Variants in EIF2AK1 observed in about 807,000 individuals in gnomAD.
EIF2AK1 encodes eukaryotic translation initiation factor 2-alpha kinase 1.
In EIF2AK1, 54 loss-of-function variants were observed where a neutral mutation model predicts 77.9. The observed-to-expected ratio is 0.69, with a 90% CI of 0.56 to 0.87. EIF2AK1 has a LOEUF of 0.87. EIF2AK1 is among the 40% of genes least tolerant of loss of function. The pLI is 0.00. For missense variants in EIF2AK1, 810 were observed against 768.6 expected, an observed-to-expected ratio of 1.05 and a Z score of -0.64; for synonymous variants, 314 against 290.5, an observed-to-expected ratio of 1.08 and a Z score of -0.82.
chr7:6,041,345 C>T lies in EIF2AK1; in HGVS notation c.792-126G>A, dbSNP rs987628679. On this transcript the variant is annotated intron_variant, in intron 8 of 14. Coordinates refer to ENST00000199389, the MANE Select transcript of EIF2AK1 (RefSeq NM_014413.4). ...CTTAAGGTCAGGAGTTGGAGACCAGCTTACCCAACATGGTAAAACCCCATC... is the reference window on the plus strand; with the variant it reads ...CTTAAGGTCAGGAGTTGGAGACCAGTTTACCCAACATGGTAAAACCCCATC... 4.2e-6 allele frequency: 4 copies of T among 951,292 alleles called. No individual in the cohort carries two copies. The Admixed American group carries it at 1.1e-4, about 26-fold the overall frequency. 58.9% of individuals were successfully genotyped at this position (951,292 alleles called of 1,614,324 possible).
Position 6,026,980 on chromosome 7 carries a change from G to C in EIF2AK1, c.1531-19C>G, listed in dbSNP as rs760949863. 1.9e-6 allele frequency: 3 copies of C among 1,590,970 alleles called. No homozygotes were observed. Among genetic ancestry groups the C allele is most frequent in the East Asian group, 2.2e-5 (1 of 44,758 alleles). Reference sequence around the variant, plus strand: ...TATCTGACTGGAAAAAGAAAAAAAGGGGAACTCAGTAGTGAAATACAAAGT... The same window carrying C: ...TATCTGACTGGAAAAAGAAAAAAAGCGGAACTCAGTAGTGAAATACAAAGT... On this transcript the variant is annotated intron_variant, in intron 13 of 14. Transcript: ENST00000199389.
intron 1 of EIF2AK1, chr7:6,057,598 T>TA (rs143149612): frequency 0.096 from 12,806 of 133,558 alleles, 594 homozygotes; most frequent in Admixed American, 0.11. Context: ...AAGCATTCCA[T>TA]AAAAAAAAAA....
intron 4 of EIF2AK1, 54 bp from the exon 5 acceptor site, chr7:6,047,145 C>A: frequency 6.7e-7 from 1 of 1,501,812 alleles, no homozygotes; most frequent in Non-Finnish European, 9.3e-7. Context: ...TCAAAATGTT[C>A]TAGGATACCT....
chr7:6,049,935 A>G lies in EIF2AK1; in HGVS notation c.388T>C (p.Ser130Pro). The G allele has an allele frequency of 6.2e-7, 1 of 1,611,846 alleles. No individual in the cohort carries two copies. Among genetic ancestry groups the G allele is most frequent in the Admixed American group, 1.7e-5 (1 of 59,638 alleles). ...HNRAITHLMR[S>P]AKERVRQDPC... ...ACCTGACGAACTCTCTCTTTAGCAG[A>G]CCTCATTAAGTGAGTAATAGCTCTG... is the stretch of plus-strand genomic sequence containing the variant. Residue 130 changes from serine to proline, a missense_variant, in exon 3 of 15, where the codon TCT becomes CCT. This residue lies in a region of EIF2AK1 where 246 missense variants were observed against 199.0 expected (regional missense o/e 1.24). Transcript: ENST00000199389.
intron 14 of EIF2AK1, among the ~76,000 whole-genome samples, chr7:6,025,034 T>C (rs1200360584): frequency 2.6e-5 from 4 of 151,986 alleles, no homozygotes; most frequent in African/African-American, 9.7e-5. Flanking sequence ...AGATGAGGTT[T>C]CGCCATGTTG....
chr7:6,056,139 A>G (rs1788752457), intron 1 of EIF2AK1, among the ~76,000 whole-genome samples: 1 of 150,892 alleles, frequency 6.6e-6, no homozygotes, highest in African/African-American at 2.4e-5. Context: ...CTAAAAATAC[A>G]AAAATTAGGT....
chr7:6,050,055 GA>G lies in EIF2AK1; in HGVS notation c.278-11del. Reference sequence around the variant, plus strand: ...AACGTCTGGCAAAGTACTATAAAAAGAATATGAAAAACTATTATTAGAAACA... The same window carrying G: ...AACGTCTGGCAAAGTACTATAAAAAGATATGAAAAACTATTATTAGAAACA... On this transcript the variant is annotated splice_polypyrimidine_tract_variant and intron_variant, in intron 2 of 14. Coordinates refer to ENST00000199389, the MANE Select transcript of EIF2AK1 (RefSeq NM_014413.4). The G allele has an allele frequency of 6.3e-7, 1 of 1,589,218 alleles. No individual in the cohort carries two copies. Among genetic ancestry groups the G allele is most frequent in the Non-Finnish European group, 8.5e-7 (1 of 1,171,816 alleles).
rs368299171 is a variant in EIF2AK1, at chr7:6,050,060, T to A, written c.278-15A>T. On this transcript the variant is annotated splice_polypyrimidine_tract_variant and intron_variant, in intron 2 of 14. Coordinates refer to ENST00000199389, the MANE Select transcript of EIF2AK1 (RefSeq NM_014413.4). ...CTGGCAAAGTACTATAAAAAGAATATGAAAAACTATTATTAGAAACATCTT... is the reference window on the plus strand; with the variant it reads ...CTGGCAAAGTACTATAAAAAGAATAAGAAAAACTATTATTAGAAACATCTT... 301 of 1,586,672 alleles carry A rather than the reference T, an allele frequency of 1.9e-4. No individual in the cohort carries two copies. The highest frequency in any genetic ancestry group is 2.5e-4 in the Non-Finnish European group (290 of 1,169,946).
chr7:6,047,553 A>C (rs1375948960), intron 4 of EIF2AK1, among the ~76,000 whole-genome samples: 1 of 151,876 alleles, frequency 6.6e-6, no homozygotes, highest in South Asian at 2.1e-4. Flanking sequence ...GGTGCCTGTA[A>C]TCCCAGCTAC....
Position 6,032,860 on chromosome 7 carries a change from A to C in EIF2AK1, c.1333-3828T>G. On this transcript the variant is annotated intron_variant, in intron 11 of 14. Transcript: ENST00000199389. The surrounding 1 kb of genome is among the most constrained non-coding windows in gnomAD (Gnocchi z 4.3). The stretch of plus-strand genomic sequence containing the variant: ...AAAGCCGACAGAGTCTATCATCCCC[A>C]TCCATCTGGCTGCCAAGTACCACAA... 6.4e-7 allele frequency: 1 copy of C among 1,550,920 alleles called. No individual in the cohort carries two copies. The highest frequency in any genetic ancestry group is 1.2e-5 in the South Asian group (1 of 84,054).
chr7:6,051,027 C>T (rs1788595026), intron 2 of EIF2AK1, among the ~76,000 whole-genome samples: 1 of 152,266 alleles, frequency 6.6e-6, no homozygotes, highest in Non-Finnish European at 1.5e-5. Context: ...ACATTCCACA[C>T]ATTACCCTTT....
chr7:6,056,613 A>AAAAAAAT lies in EIF2AK1; in HGVS notation c.119-1910_119-1909insATTTTTT. ...CATCTCAAGGGAAAAAAAAAAAAAA[A>AAAAAAAT]ATATATATATATATATATATATAAA... On this transcript the variant is annotated intron_variant, in intron 1 of 14. Coordinates refer to ENST00000199389, the MANE Select transcript of EIF2AK1 (RefSeq NM_014413.4). 1.3e-3 allele frequency among the ~76,000 whole-genome samples: 56 copies of AAAAAAAT among 43,724 alleles called. 2 individuals carry two copies. The highest frequency in any genetic ancestry group is 0.011 in the East Asian group (18 of 1,582). 28.7% of individuals were successfully genotyped at this position (43,724 alleles called of 152,430 possible). A position where few individuals can be genotyped will look rare whatever the true frequency, so the allele number is the denominator to read the frequency against.
intron 7 of EIF2AK1, among the ~76,000 whole-genome samples, chr7:6,043,644 G>C (rs1788361136): frequency 6.6e-6 from 1 of 151,216 alleles, no homozygotes; most frequent in Non-Finnish European, 1.5e-5. Flanking sequence ...GGCCAGGCTG[G>C]TCTCGAACTC....
Position 6,027,805 on chromosome 7 carries a change from C to G in EIF2AK1, c.1530+810G>C. The G allele has an allele frequency of 6.2e-6, 2 of 321,860 alleles. No homozygotes were observed. The highest frequency in any genetic ancestry group is 4.6e-5 in the South Asian group (2 of 43,844). 19.9% of individuals were successfully genotyped at this position (321,860 alleles called of 1,614,324 possible). The stretch of plus-strand genomic sequence containing the variant: ...TTTAGGCCAGGCGCAGAGGTTCATG[C>G]CTTAATCCCAGCACTTTGGGAGGCC... On this transcript the variant is annotated intron_variant, in intron 13 of 14. Transcript: ENST00000199389. This position sits in a 1 kb window ranked among gnomAD's most constrained non-coding sequence, Gnocchi z 4.5.
chr7:6,032,897 T>G lies in EIF2AK1; in HGVS notation c.1333-3865A>C. 1.3e-6 allele frequency: 2 copies of G among 1,551,050 alleles called. No homozygotes were observed. Among genetic ancestry groups the G allele is most frequent in the Non-Finnish European group, 8.7e-7 (1 of 1,147,028 alleles). On this transcript the variant is annotated intron_variant, in intron 11 of 14. Transcript: ENST00000199389. This position sits in a 1 kb window ranked among gnomAD's most constrained non-coding sequence, Gnocchi z 4.3. ...GCCAAGTACCACAAGGCCCAGAGTC[T>G]GCTCTGCCTGTTACGGCACGGTGCT...
rs1372160667 is a variant in EIF2AK1, at chr7:6,035,484, C to T, written c.1332+1940G>A. 1 of 1,550,930 alleles carries T rather than the reference C, an allele frequency of 6.4e-7. No homozygotes were observed. Among genetic ancestry groups the T allele is most frequent in the East Asian group, 2.4e-5 (1 of 40,918 alleles). ...CACCACACTCAACTTAATGCTACTG[C>T]ACTGGCCAGTCACTTCCACCACGTG... On this transcript the variant is annotated intron_variant, in intron 11 of 14. Transcript: ENST00000199389. This position sits in a 1 kb window ranked among gnomAD's most constrained non-coding sequence, Gnocchi z 5.5.
chr7:6,058,255 A>AG lies in EIF2AK1; in HGVS notation c.118+710_118+711insC, dbSNP rs1218154433. On this transcript the variant is annotated intron_variant, in intron 1 of 14. Coordinates refer to ENST00000199389, the MANE Select transcript of EIF2AK1 (RefSeq NM_014413.4). Reference sequence around the variant, plus strand: ...CAAGACCACATCTCTGCAAAAAAAAAAAAATTAAAAAATTAGCTGGGCACA... The same window carrying AG: ...CAAGACCACATCTCTGCAAAAAAAAAGAAAATTAAAAAATTAGCTGGGCACA... 7.0e-6 allele frequency: 3 copies of AG among 425,608 alleles called. No individual in the cohort carries two copies. The East Asian group carries it at 2.1e-4, about 30-fold the overall frequency. The allele number at this position is 425,608 out of a possible 1,614,324, so 26.4% of individuals were successfully genotyped here.
intron 2 of EIF2AK1, among the ~76,000 whole-genome samples, chr7:6,051,462 C>T (rs1048234074): frequency 6.6e-6 from 1 of 151,836 alleles, no homozygotes; most frequent in Non-Finnish European, 1.5e-5. Context: ...CAGAGTCTCA[C>T]CCTGTTGCCC....
chr7:6,030,232 G>T (rs1236508776), intron 11 of EIF2AK1, among the ~76,000 whole-genome samples: 3 of 152,126 alleles, frequency 2.0e-5, no homozygotes, highest in Admixed American at 6.6e-5. Flanking sequence ...GCGGGAAAGG[G>T]ACCAGGGTAT....
Sources: gnomAD v4.1 joint callset for allele counts (sites outside exome capture counted in the v4.1 genomes callset) on GRCh38, gnomAD v4.1.1 for gene constraint, gnomAD v4.1.1 regional missense constraint, Gnocchi (gnomAD v3.1) non-coding constraint, MANE v1.5 for transcripts, NCBI Gene and HGNC (gene_info 2026-07-23, HGNC 2026-07-21) for gene names.